The following NCKAP1 variants were observed in gnomAD, a reference collection of about 807,000 sequenced individuals.
NCKAP1 encodes nck-associated protein 1.
In NCKAP1, 21 loss-of-function variants were observed where a neutral mutation model predicts 151.2. That is an observed-to-expected ratio of 0.14 (90% CI 0.10 to 0.20). The LOEUF (loss-of-function observed/expected upper bound fraction) is 0.20, where lower values mean the gene tolerates loss of function less well. Ranked by LOEUF, NCKAP1 falls within the 10% of genes least tolerant of loss-of-function variation. The probability of loss-of-function intolerance (pLI) is 1.00; values close to 1 mark genes in which losing one functional copy is unlikely to be tolerated. For synonymous variants in NCKAP1, 484 were observed against 451.8 expected (o/e 1.07, Z -0.90); for missense variants, 933 against 1,352.1 (o/e 0.69, Z 4.86).
At chr2:182,926,287 T>C (rs1696645945) in intron 30 of NCKAP1, among the ~76,000 whole-genome samples, 1 of 152,136 alleles carries the variant, frequency 6.6e-6, no homozygotes, top group South Asian at 2.1e-4. Context: ...CAAGAAAGAC[T>C]ATCTGGAAAA....
rs1419931889 is a variant in NCKAP1, at chr2:182,913,135, T to C, written c.*12567A>G. The C allele has an allele frequency of 6.6e-6, 1 of 152,196 alleles. No homozygotes were observed. Among genetic ancestry groups the C allele is most frequent in the Non-Finnish European group, 1.5e-5 (1 of 68,038 alleles). 9.4% of individuals were successfully genotyped at this position (152,196 alleles called of 1,614,324 possible). Reference sequence around the variant, plus strand: ...GTCAAGATCAAACATGTAAAGTCTGTCTCCTCCACTATATTATAAGCTCTG... The same window carrying C: ...GTCAAGATCAAACATGTAAAGTCTGCCTCCTCCACTATATTATAAGCTCTG... On this transcript the variant is annotated 3_prime_UTR_variant, in exon 31 of 31. Coordinates refer to ENST00000361354, the MANE Select transcript of NCKAP1 (RefSeq NM_013436.5).
chr2:183,026,052 T>C (rs1698888382), intron 1 of NCKAP1, among the ~76,000 whole-genome samples: 2 of 152,238 alleles, frequency 1.3e-5, no homozygotes, highest in South Asian at 4.1e-4. Context: ...CGTTGGTTGA[T>C]AACCAAACAA....
chr2:182,977,002 C>T, intron 14 of NCKAP1, 51 bp from the exon 15 acceptor site: 1 of 1,261,382 alleles, frequency 7.9e-7, no homozygotes, highest in South Asian at 1.5e-5. Context: ...AATGTTTTCA[C>T]AATCTATAAG....
Position 182,919,884 on chromosome 2 carries a change from T to A in NCKAP1, c.*5818A>T, listed in dbSNP as rs1165033437. The A allele has an allele frequency of 6.6e-6, 1 of 152,282 alleles. No individual in the cohort carries two copies. The highest frequency in any genetic ancestry group is 2.4e-5 in the African/African-American group (1 of 41,446). The allele number at this position is 152,282 out of a possible 1,614,324, so 9.4% of individuals were successfully genotyped here. On this transcript the variant is annotated 3_prime_UTR_variant, in exon 31 of 31. Coordinates refer to ENST00000361354, the MANE Select transcript of NCKAP1 (RefSeq NM_013436.5). ...CCAGGTTGGTCTCAATCTCTTGACC[T>A]CAGGTGATCCATCCACCTTGGCCTC...
At chr2:182,934,576 A>G in intron 26 of NCKAP1, 176 bp downstream of exon 26, 1 of 493,578 alleles carries the variant, frequency 2.0e-6, no homozygotes. Flanking sequence ...CAAAATGCCT[A>G]GGTAGTATTT....
chr2:182,985,630 T>C (rs891715659), intron 10 of NCKAP1, among the ~76,000 whole-genome samples: 2 of 151,852 alleles, frequency 1.3e-5, no homozygotes, highest in Non-Finnish European at 2.9e-5. Context: ...GGTGAAAACC[T>C]GTCTCTACTA....
At chr2:182,963,257 T>C (rs1360431380) in intron 17 of NCKAP1, among the ~76,000 whole-genome samples, 1 of 152,132 alleles carries the variant, frequency 6.6e-6, no homozygotes, top group Admixed American at 6.5e-5. Context: ...TTTCAATTAA[T>C]AAACAGTGTT....
intron 28 of NCKAP1, 127 bp from the exon 29 acceptor site, chr2:182,928,353 G>A (rs1170743231): frequency 5.5e-5 from 34 of 614,016 alleles, no homozygotes; most frequent in African/African-American, 5.6e-5. Flanking sequence ...GGACATGACC[G>A]GACTTGCTCT....
chr2:182,969,315 C>T (rs1386313688), intron 15 of NCKAP1, among the ~76,000 whole-genome samples: 1 of 152,026 alleles, frequency 6.6e-6, no homozygotes, highest in Non-Finnish European at 1.5e-5. Flanking sequence ...GAAACTAACA[C>T]ATGGAAATTA....
At position 182,935,298 on chromosome 2, in the gene NCKAP1, TA is replaced by T; in HGVS notation, c.2772del (p.Arg925GlufsTer12). On this transcript the variant is annotated frameshift_variant, in exon 25 of 31. Transcript: ENST00000361354. LOFTEE classifies it high-confidence loss of function. ...LSFRSLAQEA[L>X]RDVLSYHIPF... Reference sequence around the variant, plus strand: ...TACTTGTAATGGTTTCTTACATCTCTAAGTGCTTCTTGTGCCAATGATCGGA... The same window carrying T: ...TACTTGTAATGGTTTCTTACATCTCTAGTGCTTCTTGTGCCAATGATCGGA... 1 of 1,582,484 alleles carries T rather than the reference TA, an allele frequency of 6.3e-7. No individual in the cohort carries two copies. The highest frequency in any genetic ancestry group is 8.6e-7 in the Non-Finnish European group (1 of 1,164,966).
intron 2 of NCKAP1, among the ~76,000 whole-genome samples, chr2:183,004,500 A>AAC (rs1475990566): frequency 6.6e-6 from 1 of 151,612 alleles, no homozygotes; most frequent in Non-Finnish European, 1.5e-5. Flanking sequence ...AAAAAAAAAA[A>AAC]AAAAAAACAG....
intron 29 of NCKAP1, among the ~76,000 whole-genome samples, chr2:182,927,906 C>A (rs1290032955): frequency 6.6e-6 from 1 of 151,856 alleles, no homozygotes; most frequent in African/African-American, 2.4e-5. Context: ...CCCACCTTCA[C>A]CTGTTTCTCC....
chr2:183,009,182 T>C (rs1698538628), intron 2 of NCKAP1, among the ~76,000 whole-genome samples: 1 of 152,100 alleles, frequency 6.6e-6, no homozygotes, highest in African/African-American at 2.4e-5. Context: ...AAGACCAGCC[T>C]GGACAACATG....
At chr2:182,975,808 T>C (rs1319396750) in intron 15 of NCKAP1, among the ~76,000 whole-genome samples, 1 of 152,050 alleles carries the variant, frequency 6.6e-6, no homozygotes, top group Non-Finnish European at 1.5e-5. Context: ...AGGAGGCTGA[T>C]GTGGGAGCAC....
Position 182,920,784 on chromosome 2 carries a change from T to G in NCKAP1, c.*4918A>C, listed in dbSNP as rs1398593279. On this transcript the variant is annotated 3_prime_UTR_variant, in exon 31 of 31. Coordinates refer to ENST00000361354, the MANE Select transcript of NCKAP1 (RefSeq NM_013436.5). ...CATCCTGTCACACTGATGATCAGAT[T>G]TCAACATATGAATTTTGTGGCCAGG... 1 of 152,092 alleles carries G rather than the reference T, an allele frequency of 6.6e-6. No individual in the cohort carries two copies. Among genetic ancestry groups the G allele is most frequent in the Non-Finnish European group, 1.5e-5 (1 of 68,024 alleles). 9.4% of individuals were successfully genotyped at this position (152,092 alleles called of 1,614,324 possible).
chr2:183,028,266 T>C (rs1356012755), intron 1 of NCKAP1, among the ~76,000 whole-genome samples: 1 of 151,936 alleles, frequency 6.6e-6, no homozygotes, highest in African/African-American at 2.4e-5. Flanking sequence ...AAGTACAGAA[T>C]TGAAAAAACA....
At chr2:182,931,473 A>G (rs1280487097) in intron 26 of NCKAP1, among the ~76,000 whole-genome samples, 2 of 152,164 alleles carry the variant, frequency 1.3e-5, no homozygotes, top group Non-Finnish European at 2.9e-5. Flanking sequence ...ATTAAGTTCT[A>G]GATTAAAATG....
At chr2:183,007,470 A>G (rs1698498404) in intron 2 of NCKAP1, among the ~76,000 whole-genome samples, 2 of 152,194 alleles carry the variant, frequency 1.3e-5, no homozygotes, top group East Asian at 3.8e-4. Context: ...ATCCTAAAGT[A>G]TTTCATTCTT....
chr2:183,016,797 G>A (rs1226397908), intron 2 of NCKAP1, among the ~76,000 whole-genome samples: 5 of 152,148 alleles, frequency 3.3e-5, no homozygotes, highest in Non-Finnish European at 5.9e-5. Flanking sequence ...AGGTTGGAGG[G>A]AGGGAGGAAG....
Sources: allele counts gnomAD v4.1 joint callset (sites outside exome capture counted in the v4.1 genomes callset), GRCh38; gene constraint gnomAD v4.1.1; transcripts MANE v1.5; gene names NCBI Gene and HGNC (gene_info 2026-07-23, HGNC 2026-07-21).